The following ARPP21 variants were observed in gnomAD, a reference collection of about 807,000 sequenced individuals.
ARPP21 encodes cAMP-regulated phosphoprotein 21.
Under a neutral mutation model 113.2 loss-of-function variants are expected in ARPP21, and 69 were observed. The ratio of observed to expected loss-of-function variants is 0.61; its 90% CI spans 0.50 to 0.74. The LOEUF (loss-of-function observed/expected upper bound fraction) is 0.74. Among genes scored for constraint, ARPP21 ranks in the 30% least tolerant of loss-of-function variants. The pLI, the probability that ARPP21 is intolerant of heterozygous loss-of-function variation, is 0.00. For missense variants in ARPP21, 1,070 were observed against 1,037.4 expected (o/e 1.03, Z -0.43); for synonymous variants, 368 against 375.5 (o/e 0.98, Z 0.23).
intron 1 of ARPP21, among the ~76,000 whole-genome samples, chr3:35,675,990 T>C (rs984580158): frequency 2.0e-4 from 31 of 151,940 alleles, no homozygotes; most frequent in African/African-American, 7.0e-4. Flanking sequence ...TTTTCTGCCT[T>C]TGATCTGTAG....
intron 19 of ARPP21, among the ~76,000 whole-genome samples, chr3:35,755,615 C>T (rs2095544142): frequency 6.6e-6 from 1 of 152,038 alleles, no homozygotes; most frequent in Non-Finnish European, 1.5e-5. Flanking sequence ...GGGATTTTCT[C>T]CTTTTCTAGT....
chr3:35,676,438 A>G (rs2077499195), intron 1 of ARPP21, among the ~76,000 whole-genome samples: 1 of 152,064 alleles, frequency 6.6e-6, no homozygotes, highest in African/African-American at 2.4e-5. Context: ...GTTCATTAAA[A>G]CATTTATATT....
chr3:35,772,931 T>C (rs1310965946), intron 19 of ARPP21, among the ~76,000 whole-genome samples: 1 of 152,166 alleles, frequency 6.6e-6, no homozygotes, highest in Non-Finnish European at 1.5e-5. Flanking sequence ...TAGGTTGCAA[T>C]TATTTTTGCC....
chr3:35,776,623 A>G (rs1177600452), intron 19 of ARPP21, among the ~76,000 whole-genome samples: 1 of 152,244 alleles, frequency 6.6e-6, no homozygotes, highest in African/African-American at 2.4e-5. Flanking sequence ...CTGTTGTAGG[A>G]AGTGTAAGCA....
At chr3:35,649,659 G>A (rs12496573) in intron 1 of ARPP21, among the ~76,000 whole-genome samples, 25,142 of 152,036 alleles carry the variant, frequency 0.17, 2,306 homozygotes, top group Non-Finnish European at 0.21. Context: ...GAATTAGAAG[G>A]CAGGGGTGAG....
chr3:35,737,699 C>T (rs980659725), intron 16 of ARPP21, among the ~76,000 whole-genome samples: 1 of 152,174 alleles, frequency 6.6e-6, no homozygotes, highest in East Asian at 1.9e-4. Context: ...CTTCCTCCCC[C>T]ATTCCCGTCA....
intron 11 of ARPP21, among the ~76,000 whole-genome samples, chr3:35,714,258 T>C (rs187364842): frequency 7.1e-6 from 1 of 140,176 alleles, no homozygotes; most frequent in Non-Finnish European, 1.6e-5. Context: ...TTCACTGAAA[T>C]GCTCATAAAA....
At chr3:35,690,813 A>G in intron 8 of ARPP21, 52 bp from the exon 9 acceptor site, 1 of 1,548,458 alleles carries the variant, frequency 6.5e-7, no homozygotes, top group Non-Finnish European at 8.8e-7. Context: ...AAAAGGTATT[A>G]TGGGCAAAAA....
At chr3:35,718,795 C>T (rs538829556) in intron 13 of ARPP21, among the ~76,000 whole-genome samples, 1 of 151,848 alleles carries the variant, frequency 6.6e-6, no homozygotes, top group Non-Finnish European at 1.5e-5. Context: ...TTTGTAACTA[C>T]CTTGGAATGA....
intron 19 of ARPP21, among the ~76,000 whole-genome samples, chr3:35,749,282 A>T (rs753085730): frequency 6.6e-6 from 1 of 152,182 alleles, no homozygotes; most frequent in Non-Finnish European, 1.5e-5. Flanking sequence ...AGACATTTAC[A>T]TTCAAATCAC....
intron 5 of ARPP21, 63 bp downstream of exon 5, chr3:35,683,878 T>A: frequency 1.0e-6 from 1 of 971,558 alleles, no homozygotes; most frequent in Non-Finnish European, 1.7e-6. Flanking sequence ...TGCATGACTC[T>A]TAATTTGGTG....
chr3:35,738,978 C>A (rs2094511555), intron 17 of ARPP21, among the ~76,000 whole-genome samples: 2 of 152,158 alleles, frequency 1.3e-5, no homozygotes, highest in Non-Finnish European at 2.9e-5. Flanking sequence ...GGAAGACAAG[C>A]TGACCCTTCA....
chr3:35,715,036 T>C (rs1336958081), intron 11 of ARPP21: 1 of 160,822 alleles, frequency 6.2e-6, no homozygotes, highest in Non-Finnish European at 1.4e-5. Context: ...GTGGATCGCA[T>C]GGAGTCTGCA....
chr3:35,727,873 A>G (rs140190394), intron 14 of ARPP21, among the ~76,000 whole-genome samples: 2 of 152,234 alleles, frequency 1.3e-5, no homozygotes, highest in African/African-American at 4.8e-5. Context: ...TGCCCAATGG[A>G]TATATTGGGA....
chr3:35,717,149 A>G, intron 12 of ARPP21, 149 bp from the exon 13 acceptor site: 1 of 539,296 alleles, frequency 1.9e-6, no homozygotes, highest in Non-Finnish European at 3.4e-6. Context: ...TCCTATGGGC[A>G]TTAATTTATT....
intron 5 of ARPP21, 115 bp downstream of exon 5, chr3:35,683,930 T>C (rs2079747502): frequency 9.7e-7 from 1 of 1,035,656 alleles, no homozygotes; most frequent in East Asian, 2.4e-5. Context: ...TTGAAGAAAA[T>C]AATTCATTTT....
intron 10 of ARPP21, among the ~76,000 whole-genome samples, chr3:35,708,052 T>G (rs1046326487): frequency 6.6e-6 from 1 of 152,178 alleles, no homozygotes. Flanking sequence ...TCAGCCAGTA[T>G]GTGCATCTCT....
At chr3:35,709,769 A>G (rs886301783) in intron 11 of ARPP21, among the ~76,000 whole-genome samples, 1 of 152,250 alleles carries the variant, frequency 6.6e-6, no homozygotes, top group African/African-American at 2.4e-5. Context: ...TAGCGTTTTC[A>G]TTCCATGCAA....
chr3:35,694,888 C>T (rs991522154), intron 9 of ARPP21, among the ~76,000 whole-genome samples: 4 of 147,538 alleles, frequency 2.7e-5, no homozygotes, highest in Non-Finnish European at 6.0e-5. Context: ...TGAAGGAAAG[C>T]ATATATATAT....
Sources: gnomAD v4.1 joint callset for allele counts (sites outside exome capture counted in the v4.1 genomes callset) on GRCh38, gnomAD v4.1.1 for gene constraint, MANE v1.5 for transcripts, NCBI Gene and HGNC (gene_info 2026-07-23, HGNC 2026-07-21) for gene names.